The following NTNG1 variants were observed in gnomAD, a reference collection of about 807,000 sequenced individuals.
The protein encoded by NTNG1 is netrin G1.
A neutral mutation model predicts 54.0 loss-of-function variants in NTNG1; 16 were observed. The observed-to-expected ratio is 0.30, with a 90% CI of 0.20 to 0.45. NTNG1 has a LOEUF of 0.45. NTNG1 is among the 20% of genes least tolerant of loss of function. NTNG1 has a pLI of 1.00. For missense variants in NTNG1, 530 were observed against 678.7 expected (o/e 0.78, Z 2.43); for synonymous variants, 255 against 263.1 (o/e 0.97, Z 0.30).
intron 2 of NTNG1, among the ~76,000 whole-genome samples, chr1:107,296,426 A>C (rs1241758567): frequency 6.6e-6 from 1 of 152,004 alleles, no homozygotes; most frequent in African/African-American, 2.4e-5. Context: ...TGATTCGACA[A>C]TCTAACTGGA....
At chr1:107,425,525 A>T (rs1326021214) in intron 5 of NTNG1, among the ~76,000 whole-genome samples, 1 of 152,060 alleles carries the variant, frequency 6.6e-6, no homozygotes, top group Non-Finnish European at 1.5e-5. Context: ...ATTCTTTCTT[A>T]TGTCTGCATA....
At chr1:107,241,118 G>T (rs749260507) in intron 2 of NTNG1, among the ~76,000 whole-genome samples, 4 of 152,128 alleles carry the variant, frequency 2.6e-5, no homozygotes, top group Non-Finnish European at 5.9e-5. Context: ...CAGATAAAAT[G>T]CAGTTTTCAG....
intron 2 of NTNG1, among the ~76,000 whole-genome samples, chr1:107,256,663 G>C (rs1184663816): frequency 6.6e-6 from 1 of 152,210 alleles, no homozygotes; most frequent in East Asian, 1.9e-4. Flanking sequence ...CAGTTGCAGA[G>C]AGAACCTTGC....
At chr1:107,410,683 C>T (rs961320653) in intron 5 of NTNG1, 5 of 151,954 alleles carry the variant, frequency 3.3e-5, no homozygotes, top group African/African-American at 4.8e-5. Context: ...AAGTAAAATT[C>T]GTGATTTTAT....
intron 4 of NTNG1, 58 bp from the exon 5 acceptor site, chr1:107,407,624 G>T: frequency 7.5e-7 from 1 of 1,340,634 alleles, no homozygotes; most frequent in East Asian, 2.3e-5. Context: ...TTAAGTTAAA[G>T]ATGTTATGTA....
rs191936413 is a variant in NTNG1 at position 107,203,222 on chromosome 1, G to A, written c.246+54383G>A. Among the ~76,000 whole-genome samples, 6 of 149,822 alleles carry A rather than the reference G, an allele frequency of 4.0e-5. No homozygotes were observed. The Middle Eastern group carries it at 0.011, about 264-fold the overall frequency. ...TTTTTTTTCATCTTTTGACCCCTTT[G>A]TATTTACTATTTTTCTTACTGATGC... On this transcript the variant is annotated intron_variant, in intron 2 of 7. Transcript: ENST00000370068.
At chr1:107,363,707 C>A (rs571326070) in intron 3 of NTNG1, among the ~76,000 whole-genome samples, 2 of 152,178 alleles carry the variant, frequency 1.3e-5, no homozygotes, top group Non-Finnish European at 2.9e-5. Context: ...TAGCTCAAGG[C>A]TCATCTCCAC....
At position 107,415,637 on chromosome 1, in the gene NTNG1, C is replaced by T. The variant is rs1409214769; in HGVS notation, c.1087+7929C>T. On this transcript the variant is annotated intron_variant, in intron 5 of 7. Transcript: ENST00000370068. ...CACCACTCTGAGACATTCATATTGA[C>T]CCAAAGATTTTCCCTAGTTGATTTG... Among the ~76,000 whole-genome samples the T allele has an allele frequency of 2.6e-5, 4 of 152,118 alleles. No homozygotes were observed. In the East Asian group the frequency reaches 7.7e-4, roughly 29 times the overall value.
intron 6 of NTNG1, among the ~76,000 whole-genome samples, chr1:107,431,231 C>A (rs1675244758): frequency 6.6e-6 from 1 of 152,060 alleles, no homozygotes. Context: ...TGATTCTGAA[C>A]TGATCTTATA....
intron 2 of NTNG1, among the ~76,000 whole-genome samples, chr1:107,320,997 A>C (rs1434246802): frequency 6.6e-6 from 1 of 152,086 alleles, no homozygotes; most frequent in Non-Finnish European, 1.5e-5. Flanking sequence ...ATTCTGATCA[A>C]CTTCCTCTGA....
intron 2 of NTNG1, among the ~76,000 whole-genome samples, chr1:107,150,441 A>G (rs1255573346): frequency 6.6e-6 from 1 of 152,202 alleles, no homozygotes; most frequent in Admixed American, 6.6e-5. Context: ...TAGGTTGTAT[A>G]GTCTTCTACG....
chr1:107,480,708 C>G lies in NTNG1; in HGVS notation c.1488C>G (p.Leu496=). Residue 496 remains leucine (L), a synonymous_variant, in exon 8 of 8, where the codon CTC becomes CTG. Transcript: ENST00000370068. ...CLCPAAYTGI[L]CEKLRCEEAG... is the part of the protein sequence containing the mutation. ...GCCCGGCCGCATACACGGGCATCCT[C>G]TGCGAGAAGCTGCGGTGCGAGGAGG... 6.2e-7 allele frequency: 1 copy of G among 1,611,326 alleles called. No homozygotes were observed. The highest frequency in any genetic ancestry group is 8.5e-7 in the Non-Finnish European group (1 of 1,179,600).
chr1:107,345,670 A>T (rs573754349), intron 3 of NTNG1, among the ~76,000 whole-genome samples: 7 of 152,106 alleles, frequency 4.6e-5, no homozygotes, highest in Non-Finnish European at 8.8e-5. Flanking sequence ...CACCCACTGT[A>T]TTTTACGTGC....
chr1:107,267,558 A>G (rs1186460954), intron 2 of NTNG1, among the ~76,000 whole-genome samples: 2 of 152,240 alleles, frequency 1.3e-5, no homozygotes, highest in East Asian at 3.9e-4. Context: ...CTTCTTTCAG[A>G]TCTACCTAAT....
chr1:107,460,459 TCCAA>T (rs1048970131), intron 7 of NTNG1: 3 of 516,990 alleles, frequency 5.8e-6, no homozygotes, highest in African/African-American at 5.8e-5. Flanking sequence ...CACAAAGAAA[TCCAA>T]TAGTTTTCTA....
Position 107,204,693 on chromosome 1 carries a change from A to C in NTNG1, c.246+55854A>C, listed in dbSNP as rs77138519. On this transcript the variant is annotated intron_variant, in intron 2 of 7. Transcript: ENST00000370068. ...AATTATAAGATAGAATGAAATGGTAATTGTTTTAAGCCATTAAAGTTTTAG... is the reference window on the plus strand; with the variant it reads ...AATTATAAGATAGAATGAAATGGTACTTGTTTTAAGCCATTAAAGTTTTAG... Among the ~76,000 whole-genome samples the C allele has an allele frequency of 1.4e-3, 209 of 152,260 alleles. 1 individual carries two copies. The highest frequency in any genetic ancestry group is 5.0e-3 in the African/African-American group (207 of 41,552).
intron 2 of NTNG1, among the ~76,000 whole-genome samples, chr1:107,219,938 T>C (rs1660229168): frequency 6.6e-6 from 1 of 152,108 alleles, no homozygotes; most frequent in Non-Finnish European, 1.5e-5. Context: ...GATCAGGCAG[T>C]GGGTGGGGCC....
intron 7 of NTNG1, among the ~76,000 whole-genome samples, chr1:107,477,922 A>G (rs1678433418): frequency 6.6e-6 from 1 of 152,222 alleles, no homozygotes; most frequent in Non-Finnish European, 1.5e-5. Context: ...ATCATTTCTT[A>G]TAGATATTTT....
chr1:107,257,249 T>C (rs1428185490), intron 2 of NTNG1, among the ~76,000 whole-genome samples: 1 of 152,214 alleles, frequency 6.6e-6, no homozygotes, highest in East Asian at 1.9e-4. Context: ...AAAAAAATCT[T>C]AGGAGGTCCT....
Sources: allele counts gnomAD v4.1 joint callset (sites outside exome capture counted in the v4.1 genomes callset), GRCh38; gene constraint gnomAD v4.1.1; transcripts MANE v1.5; gene names NCBI Gene and HGNC (gene_info 2026-07-23, HGNC 2026-07-21).